The following LRFN5 variants were observed in gnomAD, a reference collection of about 807,000 sequenced individuals.
The protein encoded by LRFN5 is leucine-rich repeat and fibronectin type-III domain-containing protein 5.
In LRFN5, 24 loss-of-function variants were observed where a neutral mutation model predicts 45.6. The ratio of observed to expected loss-of-function variants is 0.53; its 90% confidence interval spans 0.38 to 0.74. LRFN5 has a LOEUF of 0.74. Among genes scored for constraint, LRFN5 ranks in the 30% least tolerant of loss-of-function variants. The probability of loss-of-function intolerance (pLI) is 0.00; values close to 1 mark genes in which losing one functional copy is unlikely to be tolerated. For synonymous variants in LRFN5, 340 were observed against 313.8 expected (o/e 1.08, Z -0.88); for missense variants, 776 against 861.5 (o/e 0.90, Z 1.24).
chr14:41,848,510 G>A (rs564104415), intron 2 of LRFN5, among the ~76,000 whole-genome samples: 3 of 151,210 alleles, frequency 2.0e-5, no homozygotes, highest in Admixed American at 6.6e-5. Context: ...TTTCGTATTC[G>A]TCAGAAGTAG....
At chr14:41,647,545 T>C (rs1879874571) in intron 1 of LRFN5, among the ~76,000 whole-genome samples, 2 of 152,234 alleles carry the variant, frequency 1.3e-5, no homozygotes, top group Admixed American at 1.3e-4. Context: ...CATTGGTAAC[T>C]GAAGGGGGCA....
chr14:41,832,187 T>A (rs1241108914), intron 2 of LRFN5, among the ~76,000 whole-genome samples: 1 of 152,158 alleles, frequency 6.6e-6, no homozygotes, highest in Non-Finnish European at 1.5e-5. Context: ...TCAGGGTTTC[T>A]TGCCTAGTGT....
At chr14:41,820,597 C>T (rs2139011889) in intron 2 of LRFN5, among the ~76,000 whole-genome samples, 1 of 152,042 alleles carries the variant, frequency 6.6e-6, no homozygotes, top group Admixed American at 6.6e-5. Flanking sequence ...TATTTAGGCT[C>T]TTTTTTATTT....
chr14:41,658,737 A>G (rs1317106425), intron 1 of LRFN5, among the ~76,000 whole-genome samples: 2 of 151,996 alleles, frequency 1.3e-5, no homozygotes, highest in African/African-American at 4.8e-5. Context: ...TTCTTCTTGA[A>G]GAAGTGAAAA....
chr14:41,771,669 G>A (rs1312912419), intron 2 of LRFN5, among the ~76,000 whole-genome samples: 2 of 152,078 alleles, frequency 1.3e-5, no homozygotes, highest in East Asian at 3.9e-4. Context: ...CCATTTCCCA[G>A]TAACTTCCTC....
chr14:41,639,405 G>C (rs1879460619), intron 1 of LRFN5, among the ~76,000 whole-genome samples: 1 of 152,118 alleles, frequency 6.6e-6, no homozygotes, highest in South Asian at 2.1e-4. Flanking sequence ...CGCAGATGAA[G>C]TGGAGGTTCT....
rs529290794 is a variant in LRFN5 at position 41,799,951 on chromosome 14, A to C, written c.-21+32922A>C. Among the ~76,000 whole-genome samples the C allele has an allele frequency of 2.6e-5, 4 of 152,110 alleles. No homozygotes were observed. In the East Asian group the frequency reaches 7.7e-4, roughly 29 times the overall value. ...GGGAAAGGAAAGGGAAGGGAAAGGG[A>C]AAGGGAAAGAAAAAGGAAAAGGGAC... On this transcript the variant is annotated intron_variant, in intron 2 of 5. Transcript: ENST00000298119.
Position 41,904,268 on chromosome 14 carries a change from T to C in LRFN5, c.*93T>C, listed in dbSNP as rs1447900309. On this transcript the variant is annotated 3_prime_UTR_variant, in exon 6 of 6. Transcript: ENST00000298119. ...AAATGTTTCAATTCACAAAGGCTAA[T>C]TGTTGAACTGGTGTCGTAGAAGAAA... 7.1e-7 allele frequency: 1 copy of C among 1,407,490 alleles called. No homozygotes were observed. The highest frequency in any genetic ancestry group is 2.3e-5 in the East Asian group (1 of 43,874). The allele number at this position is 1,407,490 out of a possible 1,614,324, so 87.2% of individuals were successfully genotyped here.
intron 1 of LRFN5, among the ~76,000 whole-genome samples, chr14:41,622,040 C>G (rs1351405861): frequency 6.6e-6 from 1 of 151,952 alleles, no homozygotes; most frequent in African/African-American, 2.4e-5. Context: ...ATGTTACCAT[C>G]TCTGAACTTG....
intron 3 of LRFN5, among the ~76,000 whole-genome samples, chr14:41,889,083 C>CAT (rs932674681): frequency 2.2e-4 from 28 of 125,654 alleles, no homozygotes; most frequent in African/African-American, 4.2e-4. Flanking sequence ...ATTTCAAAGC[C>CAT]ATATATATAT....
intron 1 of LRFN5, among the ~76,000 whole-genome samples, chr14:41,610,519 A>G (rs1887703511): frequency 6.6e-6 from 1 of 151,934 alleles, no homozygotes; most frequent in Admixed American, 6.6e-5. Flanking sequence ...CTGGTACCCA[A>G]TAAACGTGAA....
intron 2 of LRFN5, among the ~76,000 whole-genome samples, chr14:41,878,291 T>C (rs1331441428): frequency 6.6e-6 from 1 of 152,168 alleles, no homozygotes; most frequent in Non-Finnish European, 1.5e-5. Flanking sequence ...AAAGGGGCAG[T>C]AATTGAATTA....
intron 1 of LRFN5, among the ~76,000 whole-genome samples, chr14:41,705,117 A>T (rs977577912): frequency 2.6e-5 from 4 of 152,210 alleles, no homozygotes; most frequent in African/African-American, 9.6e-5. Flanking sequence ...GAGAGTAACA[A>T]TTTTTCATAT....
At chr14:41,884,343 C>T (rs762450484) in intron 2 of LRFN5, among the ~76,000 whole-genome samples, 3 of 151,994 alleles carry the variant, frequency 2.0e-5, no homozygotes, top group Non-Finnish European at 4.4e-5. Flanking sequence ...AGTTTAATAC[C>T]AGTTAGTAAT....
chr14:41,694,200 A>G (rs1838057823), intron 1 of LRFN5, among the ~76,000 whole-genome samples: 1 of 151,974 alleles, frequency 6.6e-6, no homozygotes, highest in Admixed American at 6.6e-5. Context: ...GATACATTTG[A>G]AATTTACTCT....
intron 2 of LRFN5, among the ~76,000 whole-genome samples, chr14:41,838,522 T>TAAGA (rs2139048872): frequency 6.6e-6 from 1 of 152,292 alleles, no homozygotes; most frequent in East Asian, 1.9e-4. Flanking sequence ...TAAGCAGACA[T>TAAGA]AAGAAGAGTA....
chr14:41,817,945 T>C (rs1425636521), intron 2 of LRFN5, among the ~76,000 whole-genome samples: 1 of 152,168 alleles, frequency 6.6e-6, no homozygotes, highest in East Asian at 1.9e-4. Context: ...TGTGATTCTC[T>C]GCATCCCATC....
intron 1 of LRFN5, among the ~76,000 whole-genome samples, chr14:41,657,254 G>A (rs1437754896): frequency 6.6e-6 from 1 of 151,922 alleles, no homozygotes; most frequent in Non-Finnish European, 1.5e-5. Flanking sequence ...ATTTATAAAT[G>A]TTTTATAGGT....
intron 2 of LRFN5, among the ~76,000 whole-genome samples, chr14:41,885,792 G>A (rs545407929): frequency 1.3e-4 from 19 of 151,966 alleles, no homozygotes; most frequent in Non-Finnish European, 1.5e-4. Context: ...TGAAGCGGGC[G>A]GATCACCTGA....
Sources: gnomAD v4.1 joint callset for allele counts (sites outside exome capture counted in the v4.1 genomes callset) on GRCh38, gnomAD v4.1.1 for gene constraint, MANE v1.5 for transcripts, NCBI Gene and HGNC (gene_info 2026-07-23, HGNC 2026-07-21) for gene names.